The following ANKRD55 variants were observed in gnomAD, a reference collection of about 807,000 sequenced individuals.
ANKRD55 encodes ankyrin repeat domain-containing protein 55.
ANKRD55 carries 41 observed loss-of-function variants against 60.6 expected under a neutral mutation model. The ratio of observed to expected loss-of-function variants is 0.68; its 90% CI spans 0.53 to 0.88. The LOEUF is 0.88. ANKRD55 is among the 40% of genes least tolerant of loss of function. The pLI, the probability that ANKRD55 is intolerant of heterozygous loss-of-function variation, is 0.00. For synonymous variants in ANKRD55, 264 were observed against 290.3 expected (o/e 0.91, Z 0.92); for missense variants, 732 against 767.6 (o/e 0.95, Z 0.55).
At chr5:56,134,826 T>C (rs1029412880) in intron 7 of ANKRD55, among the ~76,000 whole-genome samples, 1 of 152,058 alleles carries the variant, frequency 6.6e-6, no homozygotes, top group Non-Finnish European at 1.5e-5. Context: ...ATAACTTTCA[T>C]AAAGATAGAT....
intron 2 of ANKRD55, among the ~76,000 whole-genome samples, chr5:56,190,768 C>T (rs545998770): frequency 1.3e-5 from 2 of 152,304 alleles, no homozygotes; most frequent in African/African-American, 4.8e-5. Context: ...AAGAGGAAAT[C>T]AGGCCAAACT....
intron 2 of ANKRD55, among the ~76,000 whole-genome samples, chr5:56,199,715 CCT>C (rs1202464104): frequency 6.6e-6 from 1 of 151,120 alleles, no homozygotes; most frequent in Non-Finnish European, 1.5e-5. Context: ...ACGGTGAAAC[CCT>C]GTCTCTACTA....
chr5:56,119,575 C>A (rs1023635410), intron 8 of ANKRD55, among the ~76,000 whole-genome samples: 4 of 151,914 alleles, frequency 2.6e-5, no homozygotes, highest in Non-Finnish European at 5.9e-5. Context: ...TTTTACTGAA[C>A]GTAAATAAAA....
intron 9 of ANKRD55, among the ~76,000 whole-genome samples, chr5:56,114,861 G>T (rs80353334): frequency 6.6e-6 from 1 of 152,022 alleles, no homozygotes. Flanking sequence ...TTTATATAAG[G>T]CTGGATCGTT....
intron 6 of ANKRD55, among the ~76,000 whole-genome samples, chr5:56,153,975 G>C (rs1230530052): frequency 6.6e-6 from 1 of 151,806 alleles, no homozygotes; most frequent in African/African-American, 2.4e-5. Flanking sequence ...ACTTTGGGAG[G>C]CTGAGGCGGG....
At chr5:56,115,511 G>A (rs184993040) in intron 9 of ANKRD55, among the ~76,000 whole-genome samples, 1 of 151,720 alleles carries the variant, frequency 6.6e-6, no homozygotes, top group East Asian at 2.0e-4. Flanking sequence ...TAGAGATGGG[G>A]TTTTACCATG....
chr5:56,220,580 C>G (rs563969852), intron 2 of ANKRD55, among the ~76,000 whole-genome samples: 1 of 152,104 alleles, frequency 6.6e-6, no homozygotes, highest in Non-Finnish European at 1.5e-5. Context: ...TTTGGGAGGC[C>G]GAGGAAGGCA....
intron 2 of ANKRD55, among the ~76,000 whole-genome samples, chr5:56,212,800 T>C (rs964986652): frequency 6.6e-6 from 1 of 152,210 alleles, no homozygotes; most frequent in Non-Finnish European, 1.5e-5. Context: ...GATTTAATTA[T>C]CTATCAGACA....
In ANKRD55 at chr5:56,137,131, C is replaced by T. The variant is rs1757626210; in HGVS notation, c.612+6670G>A. 2.3e-6 allele frequency: 3 copies of T among 1,323,776 alleles called. No homozygotes were observed. The East Asian group carries it at 6.9e-5, about 30-fold the overall frequency. The allele number at this position is 1,323,776 out of a possible 1,614,324, so 82.0% of individuals were successfully genotyped here. On this transcript the variant is annotated intron_variant, in intron 7 of 11. Coordinates refer to ENST00000341048, the MANE Select transcript of ANKRD55 (RefSeq NM_024669.3). The stretch of plus-strand genomic sequence containing the variant: ...GCCACAAAGTATCTGAAAGATGTCA[C>T]TTTACAGAAACAGTGTGTACCATTG...
intron 8 of ANKRD55, among the ~76,000 whole-genome samples, chr5:56,118,327 T>C (rs1351703490): frequency 6.6e-6 from 1 of 152,074 alleles, no homozygotes; most frequent in East Asian, 1.9e-4. Context: ...AATTAGTATA[T>C]AAAATCTTTC....
chr5:56,171,431 C>T (rs945500000), intron 4 of ANKRD55, among the ~76,000 whole-genome samples: 5 of 152,166 alleles, frequency 3.3e-5, no homozygotes, highest in Non-Finnish European at 5.9e-5. Flanking sequence ...CTGATATGGC[C>T]ACATCTCATG....
At chr5:56,167,398 T>C (rs1479005403) in intron 5 of ANKRD55, among the ~76,000 whole-genome samples, 2 of 152,224 alleles carry the variant, frequency 1.3e-5, no homozygotes, top group African/African-American at 4.8e-5. Flanking sequence ...TATAATCATC[T>C]TATGGGACCA....
intron 2 of ANKRD55, among the ~76,000 whole-genome samples, chr5:56,190,193 G>A (rs1414421368): frequency 6.6e-6 from 1 of 152,148 alleles, no homozygotes; most frequent in East Asian, 1.9e-4. Context: ...TTGTTGCTGG[G>A]TTGTAGGAGT....
intron 7 of ANKRD55, among the ~76,000 whole-genome samples, chr5:56,143,440 G>A (rs1444510122): frequency 6.6e-6 from 1 of 152,166 alleles, no homozygotes; most frequent in African/African-American, 2.4e-5. Context: ...CTGCTGGGGA[G>A]GATTTGGAAG....
intron 7 of ANKRD55, among the ~76,000 whole-genome samples, chr5:56,130,719 G>T (rs757904475): frequency 1.2e-4 from 18 of 152,160 alleles, no homozygotes; most frequent in Non-Finnish European, 2.5e-4. Context: ...ATGTGCTAAG[G>T]GCTGTAAATG....
At chr5:56,221,144 C>T (rs1412822359) in intron 2 of ANKRD55, among the ~76,000 whole-genome samples, 1 of 152,212 alleles carries the variant, frequency 6.6e-6, no homozygotes, top group Non-Finnish European at 1.5e-5. Context: ...GAGCCCAAAT[C>T]ATTCCCTTTC....
At chr5:56,193,073 C>G (rs36748) in intron 2 of ANKRD55, 147,964 of 780,816 alleles carry the variant, frequency 0.19, 16,687 homozygotes, top group East Asian at 0.35. Context: ...ATATTTCATA[C>G]TAGATAATTT....
intron 7 of ANKRD55, among the ~76,000 whole-genome samples, chr5:56,132,424 C>CAAAAAAAAAAAAAAAAAAAAAAAAAAAAA (rs34289990): frequency 1.7e-5 from 2 of 120,370 alleles, no homozygotes; most frequent in African/African-American, 7.3e-5. Context: ...ACTTAAAATA[C>CAAAAAAAAAAAAAAAAAAAAAAAAAAAAA]AAAAAAAAAA....
intron 7 of ANKRD55, among the ~76,000 whole-genome samples, chr5:56,135,328 T>G (rs1392624152): frequency 3.0e-4 from 5 of 16,760 alleles, no homozygotes; most frequent in African/African-American, 2.4e-3. Context: ...TCTTTCTTTC[T>G]TTCTTTCTTT....
Sources: gnomAD v4.1 joint callset for allele counts (sites outside exome capture counted in the v4.1 genomes callset) on GRCh38, gnomAD v4.1.1 for gene constraint, MANE v1.5 for transcripts, NCBI Gene and HGNC (gene_info 2026-07-23, HGNC 2026-07-21) for gene names.